The following NCOA3 variants were observed in gnomAD, a reference collection of about 807,000 sequenced individuals.
NCOA3 encodes nuclear receptor coactivator 3, also known as CBP-interacting protein.
NCOA3 carries 51 observed loss-of-function variants against 158.8 expected under a neutral mutation model. The observed-to-expected ratio is 0.32, with a 90% confidence interval of 0.26 to 0.41. NCOA3 has a LOEUF of 0.41. Among genes scored for constraint, NCOA3 ranks in the 10% least tolerant of loss-of-function variants. The pLI is 1.00. For missense variants in NCOA3, 1,510 were observed against 1,746.6 expected, an observed-to-expected ratio of 0.86 and a Z score of 2.41; for synonymous variants, 537 against 592.4, an observed-to-expected ratio of 0.91 and a Z score of 1.36.
intron 1 of NCOA3, among the ~76,000 whole-genome samples, chr20:47,544,013 T>C (rs2084786631): frequency 6.6e-6 from 1 of 152,194 alleles, no homozygotes; most frequent in Non-Finnish European, 1.5e-5. Context: ...TTTGGGAATG[T>C]TGCAAAAATA....
In NCOA3 at chr20:47,628,040, T is replaced by G. The variant is rs1410785689; in HGVS notation, c.823+17T>G. Reference sequence around the variant, plus strand: ...ATCTTTCAGGTAAAAACTCTTTTTTTGTCTCTCTCTCTCTCTGTGTATACG... The same window carrying G: ...ATCTTTCAGGTAAAAACTCTTTTTTGGTCTCTCTCTCTCTCTGTGTATACG... On this transcript the variant is annotated intron_variant, in intron 8 of 22. Transcript: ENST00000371998. The G allele has an allele frequency of 1.9e-6, 3 of 1,572,154 alleles. No individual in the cohort carries two copies. In the East Asian group the frequency reaches 6.7e-5, roughly 35 times the overall value.
intron 1 of NCOA3, among the ~76,000 whole-genome samples, chr20:47,553,439 G>A (rs1336504101): frequency 1.3e-5 from 2 of 151,458 alleles, no homozygotes; most frequent in Non-Finnish European, 2.9e-5. Flanking sequence ...GGGTACATGT[G>A]CACAATGTGC....
At chr20:47,563,401 C>T (rs2085138862) in intron 1 of NCOA3, among the ~76,000 whole-genome samples, 1 of 152,090 alleles carries the variant, frequency 6.6e-6, no homozygotes, top group Non-Finnish European at 1.5e-5. Flanking sequence ...GGAGGAGATG[C>T]ATATGTAGAA....
chr20:47,512,328 T>G (rs1467468272), intron 1 of NCOA3, among the ~76,000 whole-genome samples: 1 of 151,962 alleles, frequency 6.6e-6, no homozygotes, highest in Non-Finnish European at 1.5e-5. Context: ...CCCAGCACTT[T>G]GGGAGGCTGA....
intron 1 of NCOA3, among the ~76,000 whole-genome samples, chr20:47,577,325 C>T (rs2085387509): frequency 6.6e-6 from 1 of 152,170 alleles, no homozygotes. Context: ...TTGGTTATGA[C>T]AACTCTGGAC....
At chr20:47,649,142 T>C in intron 19 of NCOA3, 33 bp downstream of exon 19, 3 of 1,422,030 alleles carry the variant, frequency 2.1e-6, no homozygotes, top group Non-Finnish European at 3.0e-6. Flanking sequence ...CATGCATTGC[T>C]CTGTGCTCAG....
At chr20:47,523,699 C>A (rs72661191) in intron 1 of NCOA3, among the ~76,000 whole-genome samples, 6 of 152,158 alleles carry the variant, frequency 3.9e-5, no homozygotes, top group African/African-American at 1.2e-4. Flanking sequence ...CAGCATGTTT[C>A]GTTTAAAACT....
intron 1 of NCOA3, among the ~76,000 whole-genome samples, chr20:47,574,221 A>T (rs899189409): frequency 6.6e-6 from 1 of 152,198 alleles, no homozygotes; most frequent in Non-Finnish European, 1.5e-5. Context: ...GTGGAATATC[A>T]TGGTTAAAGT....
chr20:47,637,738 C>T lies in NCOA3; in HGVS notation c.2467C>T (p.His823Tyr). The change falls in exon 13 of 23, where the codon CAT (histidine) becomes TAT (tyrosine). Residue 823 changes from histidine (H) to tyrosine (Y), a missense_variant. By Grantham distance (83) the His-to-Tyr change is moderately conservative. Transcript: ENST00000371998. The stretch of plus-strand genomic sequence containing the variant: ...TAATTCCATATCCTCAAATGGTAGT[C>T]ATCTGGGGACTAAGCAACAGGTGTT... ...YNNSISSNGS[H>Y]LGTKQQVFQG... is the part of the protein sequence containing the mutation. 1 of 1,611,222 alleles carries T rather than the reference C, an allele frequency of 6.2e-7. No homozygotes were observed. The highest frequency in any genetic ancestry group is 8.5e-7 in the Non-Finnish European group (1 of 1,178,998).
chr20:47,606,370 GA>G (rs769630397), intron 2 of NCOA3, among the ~76,000 whole-genome samples: 2 of 152,184 alleles, frequency 1.3e-5, no homozygotes, highest in Non-Finnish European at 1.5e-5. Flanking sequence ...ACCGATGGTG[GA>G]AATGCGGTGA....
At chr20:47,537,869 A>C (rs1225161986) in intron 1 of NCOA3, among the ~76,000 whole-genome samples, 2 of 152,004 alleles carry the variant, frequency 1.3e-5, no homozygotes, top group East Asian at 1.9e-4. Context: ...GGCATGAGCC[A>C]CTGTGCCTGG....
At chr20:47,568,483 A>G (rs2085235639) in intron 1 of NCOA3, among the ~76,000 whole-genome samples, 1 of 152,178 alleles carries the variant, frequency 6.6e-6, no homozygotes, top group Non-Finnish European at 1.5e-5. Context: ...ATGTCTAAAG[A>G]AACAATGTAT....
At chr20:47,516,192 G>C (rs2084230919) in intron 1 of NCOA3, among the ~76,000 whole-genome samples, 1 of 152,146 alleles carries the variant, frequency 6.6e-6, no homozygotes, top group South Asian at 2.1e-4. Flanking sequence ...ACACACTCTG[G>C]ATGATAATGA....
intron 1 of NCOA3, among the ~76,000 whole-genome samples, chr20:47,547,447 C>T (rs1401501035): frequency 6.6e-6 from 1 of 151,630 alleles, no homozygotes; most frequent in Admixed American, 6.6e-5. Context: ...GAGTCTCGCT[C>T]TGCCACCCAG....
At chr20:47,630,544 C>T (rs2086397166) in intron 8 of NCOA3, 1 of 143,066 alleles carries the variant, frequency 7.0e-6, no homozygotes, top group African/African-American at 2.6e-5. Context: ...CTCACTGCAA[C>T]CTCTGCCTCC....
At chr20:47,573,026 A>C (rs567451449) in intron 1 of NCOA3, among the ~76,000 whole-genome samples, 1 of 152,312 alleles carries the variant, frequency 6.6e-6, no homozygotes, top group East Asian at 1.9e-4. Flanking sequence ...TATACACAGC[A>C]TTTACTGATT....
At position 47,570,939 on chromosome 20, in the gene NCOA3, T is replaced by TACAC. The variant is rs71183265; in HGVS notation, c.-98-12216_-98-12213dup. Among the ~76,000 whole-genome samples, 309 of 114,948 alleles carry TACAC rather than the reference T, an allele frequency of 2.7e-3. 2 individuals are homozygous for TACAC. Among genetic ancestry groups the TACAC allele is most frequent in the African/African-American group, 4.7e-3 (135 of 28,528 alleles). The allele number at this position is 114,948 out of a possible 152,430, so 75.4% of individuals were successfully genotyped here. A position where few individuals can be genotyped will look rare whatever the true frequency, so the allele number is the denominator to read the frequency against. On this transcript the variant is annotated intron_variant, in intron 1 of 22. Transcript: ENST00000371998. ...CACCGTTAATGAGCAGTAATATATA[T>TACAC]ACACACACACACACACACACACACA...
At chr20:47,650,792 G>A (rs2086770630) in intron 19 of NCOA3, among the ~76,000 whole-genome samples, 190 bp from the exon 20 acceptor site, 1 of 151,970 alleles carries the variant, frequency 6.6e-6, no homozygotes, top group Non-Finnish European at 1.5e-5. Flanking sequence ...GAACCTGGGA[G>A]ACGAAGGTTG....
intron 1 of NCOA3, among the ~76,000 whole-genome samples, chr20:47,540,817 A>G (rs1223070633): frequency 6.6e-6 from 1 of 152,142 alleles, no homozygotes; most frequent in African/African-American, 2.4e-5. Flanking sequence ...TGTACAAATA[A>G]TTGCTTTTGG....
Sources: allele counts gnomAD v4.1 joint callset (sites outside exome capture counted in the v4.1 genomes callset), GRCh38; gene constraint gnomAD v4.1.1; transcripts MANE v1.5; gene names NCBI Gene and HGNC (gene_info 2026-07-23, HGNC 2026-07-21).